Variants in CALD1 observed in about 807,000 individuals in gnomAD.
CALD1 encodes the protein caldesmon 1.
CALD1 carries 33 observed loss-of-function variants against 99.9 expected under a neutral mutation model. That is an observed-to-expected ratio of 0.33 (90% CI 0.25 to 0.44). The LOEUF (loss-of-function observed/expected upper bound fraction) is 0.44, where lower values mean the gene tolerates loss of function less well. Among genes scored for constraint, CALD1 ranks in the 20% least tolerant of loss-of-function variants. The pLI is 1.00. For missense variants in CALD1, 861 were observed against 962.1 expected (o/e 0.89, Z 1.39); for synonymous variants, 310 against 325.0 (o/e 0.95, Z 0.50).
In CALD1 at chr7:134,744,900, C is replaced by T. The variant is rs191349266; in HGVS notation, c.-130+537C>T. Among the ~76,000 whole-genome samples, 507 of 152,284 alleles carry T rather than the reference C, an allele frequency of 3.3e-3. 6 individuals are homozygous for T. The highest frequency in any genetic ancestry group is 0.012 in the African/African-American group (494 of 41,560). On this transcript the variant is annotated intron_variant, in intron 1 of 13. Coordinates refer to the CALD1 transcript ENST00000417172. The stretch of plus-strand genomic sequence containing the variant: ...TTCTCTGGACTCTCATAGAACTTTA[C>T]TTCCATGTCTTTCAGGCATGTGTTT...
At position 134,867,782 on chromosome 7, in the gene CALD1, G is replaced by A; in HGVS notation, c.49G>A (p.Glu17Lys). ...RRELRRQKRE[E>K]MRLEAERIAY... ...AGAACTTAGAAGGCAAAAGAGGGAG[G>A]AGATGCGACTCGAAGCAGAAAGGTA... is the stretch of plus-strand genomic sequence containing the variant. The change falls in exon 3 of 15, where the codon GAG (glutamate) becomes AAG (lysine). Residue 17 changes from glutamate to lysine, a missense_variant. Glu to Lys is a moderately conservative substitution (Grantham distance 56). Transcript: ENST00000361675. 1 of 1,607,364 alleles carries A rather than the reference G, an allele frequency of 6.2e-7. No homozygotes were observed. Among genetic ancestry groups the A allele is most frequent in the Non-Finnish European group, 8.5e-7 (1 of 1,175,114 alleles).
intron 2 of CALD1, among the ~76,000 whole-genome samples, chr7:134,862,406 C>G (rs1800601647): frequency 6.6e-6 from 1 of 152,076 alleles, no homozygotes; most frequent in Non-Finnish European, 1.5e-5. Context: ...AGCTATCAGC[C>G]ATGAAAAGAC....
chr7:134,887,819 T>C lies in CALD1; in HGVS notation c.71+20015T>C, dbSNP rs1374633968. 2.0e-5 allele frequency among the ~76,000 whole-genome samples: 3 copies of C among 152,074 alleles called. No individual in the cohort carries two copies. The East Asian group carries it at 5.8e-4, about 29-fold the overall frequency. On this transcript the variant is annotated intron_variant, in intron 3 of 14. Transcript: ENST00000361675. ...GTGCGCATGTGTATGTGTGTGCATG[T>C]GTGCATATGCATGCATTCGTGTATG...
upstream of CALD1, among the ~76,000 whole-genome samples, chr7:134,741,507 A>G (rs1796591440): frequency 6.6e-6 from 1 of 152,138 alleles, no homozygotes; most frequent in Admixed American, 6.5e-5. Context: ...CAAGCACTCA[A>G]TTCATGTTCA....
At chr7:134,886,569 C>T (rs996662927) in intron 3 of CALD1, among the ~76,000 whole-genome samples, 2 of 152,124 alleles carry the variant, frequency 1.3e-5, no homozygotes, top group Admixed American at 1.3e-4. Flanking sequence ...TTTGGTTTCC[C>T]GTTTGAAGAG....
chr7:134,875,585 C>T (rs1185290707), intron 3 of CALD1, among the ~76,000 whole-genome samples: 4 of 152,206 alleles, frequency 2.6e-5, no homozygotes, highest in East Asian at 3.9e-4. Context: ...TGCAGTGAGC[C>T]GAGATCACGC....
intron 1 of CALD1, among the ~76,000 whole-genome samples, chr7:134,834,532 T>C (rs935388171): frequency 6.6e-6 from 1 of 152,226 alleles, no homozygotes; most frequent in African/African-American, 2.4e-5. Flanking sequence ...TGAGAAGCCT[T>C]GGGTAAACCA....
At chr7:134,809,825 C>T (rs1223021710) in intron 1 of CALD1, among the ~76,000 whole-genome samples, 1 of 152,150 alleles carries the variant, frequency 6.6e-6, no homozygotes, top group Non-Finnish European at 1.5e-5. Flanking sequence ...TGTGAGCCAA[C>T]ATTCAGCTTT....
the CALD1 span, among the ~76,000 whole-genome samples, chr7:134,711,769 A>G: frequency 3.6e-5 from 5 of 139,586 alleles, no homozygotes; most frequent in Admixed American, 2.9e-4. Context: ...TATATATCCT[A>G]TTGGTTCTAT....
intron 3 of CALD1, among the ~76,000 whole-genome samples, chr7:134,902,961 A>T (rs1803104476): frequency 6.6e-6 from 1 of 152,148 alleles, no homozygotes; most frequent in Admixed American, 6.5e-5. Flanking sequence ...GTGCACCCAG[A>T]CAATAGAATA....
chr7:134,856,192 T>C (rs570447130), intron 2 of CALD1, among the ~76,000 whole-genome samples: 2 of 152,338 alleles, frequency 1.3e-5, no homozygotes, highest in East Asian at 3.9e-4. Context: ...TACAGAGCTA[T>C]AGTGCTTTAG....
At chr7:134,733,940 A>G in the CALD1 span, among the ~76,000 whole-genome samples, 288 of 151,466 alleles carry the variant, frequency 1.9e-3, 1 homozygote, top group African/African-American at 6.4e-3. Context: ...AATATAACTT[A>G]TATAGTATAA....
At chr7:134,711,808 C>A in the CALD1 span, among the ~76,000 whole-genome samples, 2 of 150,378 alleles carry the variant, frequency 1.3e-5, no homozygotes, top group African/African-American at 4.9e-5. Context: ...CTAATACAGG[C>A]TGTTATGTAA....
At chr7:134,934,848 T>A (rs1805835713) in intron 5 of CALD1, among the ~76,000 whole-genome samples, 1 of 151,988 alleles carries the variant, frequency 6.6e-6, no homozygotes, top group Non-Finnish European at 1.5e-5. Flanking sequence ...GCCACTGCAC[T>A]CCACTGGGCA....
the CALD1 span, among the ~76,000 whole-genome samples, chr7:134,735,932 T>C: frequency 6.6e-6 from 1 of 152,030 alleles, no homozygotes; most frequent in Non-Finnish European, 1.5e-5. Context: ...ATAACGACAA[T>C]ATTACTACTA....
chr7:134,775,269 T>C (rs1345056412), upstream of CALD1, among the ~76,000 whole-genome samples: 1 of 152,246 alleles, frequency 6.6e-6, no homozygotes. Flanking sequence ...TATTGATCTA[T>C]TTGTTTAGTC....
At chr7:134,919,235 T>C (rs1397744240) in intron 3 of CALD1, among the ~76,000 whole-genome samples, 2 of 152,192 alleles carry the variant, frequency 1.3e-5, no homozygotes, top group African/African-American at 4.8e-5. Context: ...TGTCCTTTTA[T>C]AACTCAGAGT....
chr7:134,893,738 C>T (rs768550860), intron 3 of CALD1, among the ~76,000 whole-genome samples: 1 of 152,164 alleles, frequency 6.6e-6, no homozygotes, highest in Non-Finnish European at 1.5e-5. Context: ...CTATTACTAG[C>T]TTTGTACCGT....
intron 1 of CALD1, among the ~76,000 whole-genome samples, chr7:134,781,249 T>G (rs914209405): frequency 6.6e-6 from 1 of 152,240 alleles, no homozygotes; most frequent in Non-Finnish European, 1.5e-5. Flanking sequence ...ATTTTTCTTT[T>G]AACTGTTCTC....
Sources: gnomAD v4.1 joint callset for allele counts (sites outside exome capture counted in the v4.1 genomes callset) on GRCh38, gnomAD v4.1.1 for gene constraint, MANE v1.5 for transcripts, NCBI Gene and HGNC (gene_info 2026-07-23, HGNC 2026-07-21) for gene names.